The following RYR1 variants were observed in gnomAD, a reference collection of about 807,000 sequenced individuals.
RYR1 encodes the protein central core disease of muscle.
A neutral mutation model predicts 583.5 loss-of-function variants in RYR1; 342 were observed. The ratio of observed to expected loss-of-function variants is 0.59; its 90% confidence interval spans 0.54 to 0.64. The LOEUF (loss-of-function observed/expected upper bound fraction) is 0.64, where lower values mean the gene tolerates loss of function less well. Among genes scored for constraint, RYR1 ranks in the 30% least tolerant of loss-of-function variants. RYR1 has a pLI of 0.00. For synonymous variants in RYR1, 2,791 were observed against 2,822.5 expected (o/e 0.99, Z 0.35); for missense variants, 6,032 against 6,917.2 (o/e 0.87, Z 4.54).
intron 65 of RYR1, 150 bp downstream of exon 65, chr19:38,516,367 C>T: frequency 3.4e-6 from 3 of 874,444 alleles, no homozygotes; most frequent in East Asian, 2.7e-5. Context: ...ATTCAGGAAC[C>T]CCAGAGTTTA....
At position 38,477,844 on chromosome 19, in the gene RYR1, G is replaced by C. The variant is rs1210736965; in HGVS notation, c.4428G>C (p.Gly1476=). The change falls in exon 30 of 106, where the codon GGG becomes GGC. Residue 1476 remains glycine, a synonymous_variant. Transcript: ENST00000359596. ...TCCGGGTCGTGACGGTGACCATGGGGGATGAACAAGGCAACGTCCACAGCA... is the reference window on the plus strand; with the variant it reads ...TCCGGGTCGTGACGGTGACCATGGGCGATGAACAAGGCAACGTCCACAGCA... ...SKVRVVTVTM[G]DEQGNVHSSL... 4 of 1,611,206 alleles carry C rather than the reference G, an allele frequency of 2.5e-6. No homozygotes were observed. In the African/African-American group the frequency reaches 5.4e-5, roughly 22 times the overall value.
chr19:38,502,753 G>GGGCAGGGGCAGA (rs1555784483), intron 48 of RYR1, 26 bp downstream of exon 48: 28 of 378,624 alleles, frequency 7.4e-5, no homozygotes, highest in South Asian at 2.7e-4. Flanking sequence ...CTTCAGGGTG[G>GGGCAGGGGCAGA]GGCAGGGGCA....
chr19:38,586,044 C>T, intron 103 of RYR1, 42 bp downstream of exon 103: 1 of 1,614,020 alleles, frequency 6.2e-7, no homozygotes, highest in Non-Finnish European at 8.5e-7. Flanking sequence ...TTACGGGATT[C>T]AGGGGGTCAA....
rs754000830 is a variant in RYR1 at position 38,523,326 on chromosome 19, G to C, written c.10440+17G>C. On this transcript the variant is annotated intron_variant, in intron 69 of 105. Transcript: ENST00000359596. ...ATGGCTAAGGTCGGGGCTTGGTTCT[G>C]GGAGGAGCACTTGGCAGAGAGGGCG... The C allele has an allele frequency of 5.0e-6, 8 of 1,613,966 alleles. No individual in the cohort carries two copies. The highest frequency in any genetic ancestry group is 1.7e-6 in the Non-Finnish European group (2 of 1,180,022).
chr19:38,528,090 C>T (rs1266027444), intron 73 of RYR1: 3 of 635,138 alleles, frequency 4.7e-6, no homozygotes, highest in East Asian at 2.7e-5. Flanking sequence ...TGGCCTGGCT[C>T]GTGGTCCTGG....
At chr19:38,563,584 G>C (rs1568579873) in intron 90 of RYR1, among the ~76,000 whole-genome samples, 1 of 152,160 alleles carries the variant, frequency 6.6e-6, no homozygotes, top group East Asian at 1.9e-4. Context: ...GCATTTATCA[G>C]GCACCGGGCG....
intron 58 of RYR1, among the ~76,000 whole-genome samples, chr19:38,509,348 C>A (rs1454773478): frequency 3.9e-5 from 6 of 152,116 alleles, no homozygotes; most frequent in Non-Finnish European, 5.9e-5. Context: ...ACTGCACAGA[C>A]CTCCAAGTTG....
At chr19:38,436,831 C>T (rs1400300821) in intron 1 of RYR1, among the ~76,000 whole-genome samples, 1 of 151,986 alleles carries the variant, frequency 6.6e-6, no homozygotes, top group Non-Finnish European at 1.5e-5. Context: ...GGCCACAGCC[C>T]CCCCAAACTG....
chr19:38,462,381 A>G (rs112553103), intron 20 of RYR1, among the ~76,000 whole-genome samples: 2,172 of 152,168 alleles, frequency 0.014, 53 homozygotes, highest in African/African-American at 0.049. Flanking sequence ...TGCGGGGGTG[A>G]CTTCATCCCC....
At chr19:38,489,066 A>G (rs775589287) in intron 34 of RYR1, 111 bp from the exon 35 acceptor site, 18 of 952,508 alleles carry the variant, frequency 1.9e-5, no homozygotes, top group Non-Finnish European at 2.7e-5. Context: ...CGGATCAGCC[A>G]ATGCAGGAAT....
At position 38,475,308 on chromosome 19, in the gene RYR1, C is replaced by A; in HGVS notation, c.4161-10C>A. The A allele has an allele frequency of 6.4e-7, 1 of 1,570,488 alleles. No individual in the cohort carries two copies. The highest frequency in any genetic ancestry group is 2.4e-5 in the East Asian group (1 of 42,360). On this transcript the variant is annotated splice_polypyrimidine_tract_variant and intron_variant, in intron 28 of 105. Coordinates refer to ENST00000359596, the MANE Select transcript of RYR1 (RefSeq NM_000540.3). ...GCTGGCTCTCATGGCGCCTCTCCTC[C>A]CACTACCAGCTTCTTATTCAAGGCC...
chr19:38,511,551 C>G lies in RYR1; in HGVS notation c.9123-10C>G, dbSNP rs781145951. 2 of 1,613,698 alleles carry G rather than the reference C, an allele frequency of 1.2e-6. No homozygotes were observed. Among genetic ancestry groups the G allele is most frequent in the Non-Finnish European group, 1.7e-6 (2 of 1,180,034 alleles). ...TTTCTCCTGCCTTCTGTCCCTTTCTCTTTCTTCAGCCTCTTCTGCAAACTT... is the reference window on the plus strand; with the variant it reads ...TTTCTCCTGCCTTCTGTCCCTTTCTGTTTCTTCAGCCTCTTCTGCAAACTT... On this transcript the variant is annotated splice_polypyrimidine_tract_variant and intron_variant, in intron 60 of 105. Coordinates refer to ENST00000359596, the MANE Select transcript of RYR1 (RefSeq NM_000540.3).
At position 38,505,907 on chromosome 19, in the gene RYR1, G is replaced by A. The variant is rs758915390; in HGVS notation, c.8502G>A (p.Thr2834=). The change falls in exon 54 of 106, where the codon ACG becomes ACA. Residue 2834 remains threonine, a synonymous_variant. Transcript: ENST00000359596. The part of the protein sequence containing the change: ...EKAREGEEEK[T]EKKKTRKISQ... ...CCAGGGAGGGTGAGGAGGAGAAGAC[G>A]GAAAAGAAAAAAACGCGGAAGATAT... is the stretch of plus-strand genomic sequence containing the variant. 10 of 1,613,694 alleles carry A rather than the reference G, an allele frequency of 6.2e-6. No homozygotes were observed. The East Asian group carries it at 1.3e-4, about 22-fold the overall frequency.
chr19:38,536,635 G>A, intron 82 of RYR1, 115 bp from the exon 83 acceptor site: 1 of 1,204,132 alleles, frequency 8.3e-7, no homozygotes, highest in South Asian at 1.3e-5. Flanking sequence ...CTCTCTCTCT[G>A]TGTGTCTTTC....
At chr19:38,542,039 A>C (rs1972216696) in intron 84 of RYR1, among the ~76,000 whole-genome samples, 2 of 150,478 alleles carry the variant, frequency 1.3e-5, no homozygotes, top group African/African-American at 4.9e-5. Flanking sequence ...ACAGTACTCC[A>C]ACCTAGGCAA....
At chr19:38,536,151 C>A in intron 82 of RYR1, 81 bp downstream of exon 82, 1 of 1,156,720 alleles carries the variant, frequency 8.6e-7, no homozygotes, top group Non-Finnish European at 1.2e-6. Context: ...CCCGCCATTG[C>A]CCAGAGCTCC....
At position 38,500,855 on chromosome 19, in the gene RYR1, C is replaced by G; in HGVS notation, c.7479C>G (p.Ser2493=). ...GALVQPKMSA[S]FVPDHKASMV... is the part of the protein sequence containing the mutation. ...TGGTGCAGCCAAAGATGTCAGCATC[C>G]TTCGTGCCGGACCACAAGGCGTCCA... Residue 2493 remains serine (S), a synonymous_variant, in exon 47 of 106, where the codon TCC becomes TCG. Transcript: ENST00000359596. The surrounding 1 kb of genome is among the most constrained non-coding windows in gnomAD (Gnocchi z 5.9). 6.2e-7 allele frequency: 1 copy of G among 1,614,162 alleles called. No individual in the cohort carries two copies. The highest frequency in any genetic ancestry group is 8.5e-7 in the Non-Finnish European group (1 of 1,180,016).
intron 90 of RYR1, among the ~76,000 whole-genome samples, chr19:38,563,751 C>A (rs1006104852): frequency 1.3e-5 from 2 of 152,204 alleles, no homozygotes; most frequent in Admixed American, 1.3e-4. Flanking sequence ...GGATTTGAAC[C>A]CAGGCAGGCT....
chr19:38,579,903 C>G lies in RYR1; in HGVS notation c.14365-79C>G, dbSNP rs1389820910. The G allele has an allele frequency of 2.5e-6, 4 of 1,598,592 alleles. No homozygotes were observed. In the East Asian group the frequency reaches 8.9e-5, roughly 36 times the overall value. ...CCCGACCCCCAGGGCACAGCTGACT[C>G]TCGAGTGGCCCCTACCCTCCAGAGT... On this transcript the variant is annotated intron_variant, in intron 99 of 105. Coordinates refer to ENST00000359596, the MANE Select transcript of RYR1 (RefSeq NM_000540.3).
Sources: allele counts gnomAD v4.1 joint callset (sites outside exome capture counted in the v4.1 genomes callset), GRCh38; gene constraint gnomAD v4.1.1; non-coding constraint Gnocchi (gnomAD v3.1); transcripts MANE v1.5; gene names NCBI Gene and HGNC (gene_info 2026-07-23, HGNC 2026-07-21).